Variants in SPR observed in about 807,000 individuals in gnomAD.
The protein encoded by SPR is sepiapterin reductase.
A neutral mutation model predicts 16.0 loss-of-function variants in SPR; 12 were observed. The ratio of observed to expected loss-of-function variants is 0.75; its 90% CI spans 0.48 to 1.22. The LOEUF (loss-of-function observed/expected upper bound fraction) is 1.22, where lower values mean the gene tolerates loss of function less well. Ranked by LOEUF, SPR falls within the 50% of genes most tolerant of loss-of-function variation. SPR has a pLI of 0.00. For missense variants in SPR, 324 were observed against 344.4 expected (o/e 0.94, Z 0.47); for synonymous variants, 177 against 168.5 (o/e 1.05, Z -0.39).
In SPR at chr2:72,891,693, C is replaced by T. The variant is rs1247173520; in HGVS notation, c.*156C>T. On this transcript the variant is annotated 3_prime_UTR_variant, in exon 3 of 3. Coordinates refer to ENST00000234454, the MANE Select transcript of SPR (RefSeq NM_003124.5). ...GCCCTCAGGCACAGCCAGCTGTGAGCTCCCAGGTCATTGGCCTTACCAGTT... is the reference window on the plus strand; with the variant it reads ...GCCCTCAGGCACAGCCAGCTGTGAGTTCCCAGGTCATTGGCCTTACCAGTT... 1.4e-5 allele frequency: 12 copies of T among 864,318 alleles called. No homozygotes were observed. The highest frequency in any genetic ancestry group is 2.2e-5 in the Non-Finnish European group (12 of 540,094). 53.5% of individuals were successfully genotyped at this position (864,318 alleles called of 1,614,324 possible).
chr2:72,891,322 T>G (rs1423033759), intron 2 of SPR, 25 bp from the exon 3 acceptor site: 1 of 1,613,942 alleles, frequency 6.2e-7, no homozygotes, highest in Non-Finnish European at 8.5e-7. Context: ...CCATGTTCCC[T>G]CATCGTCTCC....
rs562641439 is a variant in SPR at position 72,890,289 on chromosome 2, T to A, written c.596-1058T>A. 1.3e-4 allele frequency among the ~76,000 whole-genome samples: 20 copies of A among 152,294 alleles called. No individual in the cohort carries two copies. The South Asian group carries it at 3.9e-3, about 30-fold the overall frequency. On this transcript the variant is annotated intron_variant, in intron 2 of 2. Coordinates refer to ENST00000234454, the MANE Select transcript of SPR (RefSeq NM_003124.5). ...GTATTAGGCCAGGCTACTGGGAAGCTGTTGAGGGGTTTTGAGCGGAGGAAT... is the reference window on the plus strand; with the variant it reads ...GTATTAGGCCAGGCTACTGGGAAGCAGTTGAGGGGTTTTGAGCGGAGGAAT...
rs779655618 is a variant in SPR, at chr2:72,887,639, C to G, written c.207C>G (p.Asp69Glu). 1.3e-4 allele frequency: 196 copies of G among 1,459,832 alleles called. 1 individual carries two copies. The Middle Eastern group carries it at 1.9e-3, about 14-fold the overall frequency. The allele number at this position is 1,459,832 out of a possible 1,614,324, so 90.4% of individuals were successfully genotyped here. A position where few individuals can be genotyped will look rare whatever the true frequency, so the allele number is the denominator to read the frequency against. Residue 69 changes from aspartate to glutamate, a missense_variant, in exon 1 of 3, where the codon GAC becomes GAG. Physicochemically the swap from Asp to Glu is conservative, Grantham distance 45. Transcript: ENST00000234454. ...SGLRVVRVPA[D>E]LGAEAGLQQL... is the part of the protein sequence containing the mutation. The stretch of plus-strand genomic sequence containing the variant: ...TGCGCGTGGTGCGGGTGCCCGCCGA[C>G]CTGGGCGCCGAGGCCGGCTTGCAGC...
chr2:72,887,787 C>T, intron 1 of SPR, 51 bp downstream of exon 1: 4 of 1,448,606 alleles, frequency 2.8e-6, no homozygotes, highest in Non-Finnish European at 3.6e-6. Context: ...CCACTTCCTC[C>T]ACCGCTGGGG....
rs772910587 is a variant in SPR at position 72,891,770 on chromosome 2, GT to G, written c.*235del. ...GGTTATAAGGAGGCTTAGGAGAGAGGTTATGGGTATTGGTGTCTCTATCCCC... is the reference window on the plus strand; with the variant it reads ...GGTTATAAGGAGGCTTAGGAGAGAGGTATGGGTATTGGTGTCTCTATCCCC... On this transcript the variant is annotated 3_prime_UTR_variant, in exon 3 of 3. Transcript: ENST00000234454. The G allele has an allele frequency of 7.0e-5, 41 of 586,870 alleles. No individual in the cohort carries two copies. Among genetic ancestry groups the G allele is most frequent in the Non-Finnish European group, 1.2e-4 (38 of 328,902 alleles). 36.4% of individuals were successfully genotyped at this position (586,870 alleles called of 1,614,324 possible).
intron 1 of SPR, 73 bp from the exon 2 acceptor site, chr2:72,888,241 G>A: frequency 6.7e-7 from 1 of 1,482,964 alleles, no homozygotes; most frequent in African/African-American, 1.4e-5. Context: ...AGGATATCTG[G>A]AGGAACTTGG....
Position 72,888,585 on chromosome 2 carries a change from G to C in SPR, c.576G>C (p.Arg192Ser). 1.3e-6 allele frequency: 2 copies of C among 1,594,324 alleles called. No homozygotes were observed. The highest frequency in any genetic ancestry group is 1.7e-6 in the Non-Finnish European group (2 of 1,168,588). Residue 192 changes from arginine to serine, a missense_variant, in exon 2 of 3, where the codon AGG becomes AGC. Coordinates refer to ENST00000234454, the MANE Select transcript of SPR (RefSeq NM_003124.5). ...TGGCGCTGGAGGAACCTAATGTGAG[G>C]GTGCTGAACTATGCCCCAGGTAGGT... ...QVLALEEPNV[R>S]VLNYAPGPLD...
At position 72,887,507 on chromosome 2, in the gene SPR, G is replaced by A. The variant is rs1326786954; in HGVS notation, c.75G>A (p.Pro25=). Residue 25 remains proline, a synonymous_variant, in exon 1 of 3, where the codon CCG becomes CCA. Transcript: ENST00000234454. ...ASRGFGRTLA[P]LLASLLSPGS... ...GCGGCTTCGGCCGGACGCTGGCCCC[G>A]CTCCTGGCCTCGCTGCTGTCGCCCG... 1 of 1,491,406 alleles carries A rather than the reference G, an allele frequency of 6.7e-7. No individual in the cohort carries two copies. Among genetic ancestry groups the A allele is most frequent in the Non-Finnish European group, 8.9e-7 (1 of 1,126,556 alleles). 92.4% of individuals were successfully genotyped at this position (1,491,406 alleles called of 1,614,324 possible).
At chr2:72,888,840 C>A (rs1481937017) in intron 2 of SPR, among the ~76,000 whole-genome samples, 2 of 152,156 alleles carry the variant, frequency 1.3e-5, no homozygotes, top group Non-Finnish European at 2.9e-5. Flanking sequence ...GCAGGAAGGT[C>A]TGAGGTATTA....
intron 2 of SPR, among the ~76,000 whole-genome samples, chr2:72,889,499 G>A (rs1015975102): frequency 1.3e-5 from 2 of 152,178 alleles, no homozygotes; most frequent in Non-Finnish European, 2.9e-5. Flanking sequence ...AGATGTGGCA[G>A]GGCTGGATCC....
At position 72,889,943 on chromosome 2, in the gene SPR, T is replaced by A. The variant is rs1228533294; in HGVS notation, c.595+1339T>A. On this transcript the variant is annotated intron_variant, in intron 2 of 2. Transcript: ENST00000234454. ...AATAGTCAAGGACCAGGAGATAAAT[T>A]CTCCCTCCAACCCTGGAATTCTCTG... Among the ~76,000 whole-genome samples, 5 of 152,248 alleles carry A rather than the reference T, an allele frequency of 3.3e-5. No homozygotes were observed. The East Asian group carries it at 9.6e-4, about 29-fold the overall frequency.
At chr2:72,889,738 C>T (rs905119623) in intron 2 of SPR, among the ~76,000 whole-genome samples, 2 of 152,186 alleles carry the variant, frequency 1.3e-5, no homozygotes, top group Non-Finnish European at 2.9e-5. Context: ...GGAGGCTGCC[C>T]TGGGCATTAT....
chr2:72,889,938 T>C (rs1373214064), intron 2 of SPR, among the ~76,000 whole-genome samples: 1 of 152,222 alleles, frequency 6.6e-6, no homozygotes, highest in Non-Finnish European at 1.5e-5. Context: ...GACCAGGAGA[T>C]AAATTCTCCC....
chr2:72,889,825 A>G (rs1670593763), intron 2 of SPR, among the ~76,000 whole-genome samples: 1 of 152,202 alleles, frequency 6.6e-6, no homozygotes, highest in African/African-American at 2.4e-5. Flanking sequence ...TTTCGGTCTC[A>G]GGAAGAATGT....
chr2:72,889,035 A>G (rs964928876), intron 2 of SPR, among the ~76,000 whole-genome samples: 1 of 152,174 alleles, frequency 6.6e-6, no homozygotes, highest in Non-Finnish European at 1.5e-5. Flanking sequence ...TTGTCTGCAT[A>G]TGTTTGCTTG....
chr2:72,888,500 T>C lies in SPR; in HGVS notation c.491T>C (p.Phe164Ser), dbSNP rs1559048415. 1 of 1,613,636 alleles carries C rather than the reference T, an allele frequency of 6.2e-7. No individual in the cohort carries two copies. Among genetic ancestry groups the C allele is most frequent in the Non-Finnish European group, 8.5e-7 (1 of 1,179,794 alleles). ...NISSLCALQP[F>S]KGWALYCAGK... ...TCGTCCCTCTGTGCCCTGCAACCTT[T>C]CAAAGGCTGGGCGCTGTACTGTGCA... The change falls in exon 2 of 3, where the codon TTC becomes TCC. Residue 164 changes from phenylalanine (F) to serine (S), a missense_variant. Phe to Ser is a radical substitution (Grantham distance 155). Coordinates refer to ENST00000234454, the MANE Select transcript of SPR (RefSeq NM_003124.5).
At chr2:72,887,880 G>C in intron 1 of SPR, 144 bp downstream of exon 1, 2 of 926,098 alleles carry the variant, frequency 2.2e-6, no homozygotes, top group Non-Finnish European at 3.0e-6. Flanking sequence ...AGCAAGTGGA[G>C]GCGAGGTGTA....
At chr2:72,887,835 T>A in intron 1 of SPR, 99 bp downstream of exon 1, 3 of 1,256,802 alleles carry the variant, frequency 2.4e-6, no homozygotes, top group Non-Finnish European at 3.1e-6. Flanking sequence ...ATAGGACGCC[T>A]AGAAATCTAA....
chr2:72,887,811 C>T (rs1447685148), intron 1 of SPR, 75 bp downstream of exon 1: 1 of 1,382,338 alleles, frequency 7.2e-7, no homozygotes. Flanking sequence ...TTAAGGGCTA[C>T]TCCTAGGGGT....
Sources: allele counts gnomAD v4.1 joint callset (sites outside exome capture counted in the v4.1 genomes callset), GRCh38; gene constraint gnomAD v4.1.1; transcripts MANE v1.5; gene names NCBI Gene and HGNC (gene_info 2026-07-23, HGNC 2026-07-21).